Variants in COLGALT2 observed in about 807,000 individuals in gnomAD.
COLGALT2 encodes the protein collagen beta(1-O)galactosyltransferase 2, also known as procollagen galactosyltransferase 2.
A neutral mutation model predicts 73.4 loss-of-function variants in COLGALT2; 49 were observed. That is an observed-to-expected ratio of 0.67 (90% CI 0.53 to 0.85). The LOEUF (loss-of-function observed/expected upper bound fraction) is 0.85. Among genes scored for constraint, COLGALT2 ranks in the 40% least tolerant of loss-of-function variants. The pLI, the probability that COLGALT2 is intolerant of heterozygous loss-of-function variation, is 0.00. For missense variants in COLGALT2, 722 were observed against 790.2 expected (o/e 0.91, Z 1.03); for synonymous variants, 295 against 307.6 (o/e 0.96, Z 0.43).
At chr1:183,965,184 A>G (rs1165544351) in intron 5 of COLGALT2, among the ~76,000 whole-genome samples, 1 of 152,196 alleles carries the variant, frequency 6.6e-6, no homozygotes, top group Non-Finnish European at 1.5e-5. Flanking sequence ...GTTTGCCCAT[A>G]TGAATGCTTC....
chr1:183,946,837 C>T (rs745695026), intron 8 of COLGALT2, among the ~76,000 whole-genome samples: 2 of 152,180 alleles, frequency 1.3e-5, no homozygotes, highest in Non-Finnish European at 2.9e-5. Flanking sequence ...CGAGACCATC[C>T]TGGCTAACAC....
Position 184,037,295 on chromosome 1 carries a change from G to A in COLGALT2, c.63C>T (p.Leu21=), listed in dbSNP as rs752433870. ...CGAAGCGCGCTCGGCAGCCTTCGCG[G>A]AGCAGGGCTGAGGAGAGGAGCAGTA... ...WSLLLLSSAL[L]REGCRARFVA... Residue 21 remains leucine (L), a synonymous_variant, in exon 1 of 12, where the codon CTC becomes CTT. Coordinates refer to ENST00000361927, the MANE Select transcript of COLGALT2 (RefSeq NM_015101.4). 3 of 1,542,156 alleles carry A rather than the reference G, an allele frequency of 1.9e-6. No homozygotes were observed. The highest frequency in any genetic ancestry group is 2.6e-6 in the Non-Finnish European group (3 of 1,145,738).
intron 1 of COLGALT2, among the ~76,000 whole-genome samples, chr1:183,983,792 G>T (rs1045702828): frequency 6.6e-6 from 1 of 152,152 alleles, no homozygotes; most frequent in African/African-American, 2.4e-5. Flanking sequence ...GTACTGCCTC[G>T]AATCTGTTAC....
At chr1:183,946,797 C>T (rs540222987) in intron 8 of COLGALT2, among the ~76,000 whole-genome samples, 26 of 152,214 alleles carry the variant, frequency 1.7e-4, no homozygotes, top group African/African-American at 5.3e-4. Context: ...TTTGGGAGGC[C>T]GAGGTGGGCA....
intron 5 of COLGALT2, among the ~76,000 whole-genome samples, chr1:183,967,917 G>T (rs1285796286): frequency 1.3e-5 from 2 of 152,200 alleles, no homozygotes; most frequent in Non-Finnish European, 2.9e-5. Flanking sequence ...GCCTACACCT[G>T]GCCAAAGGGT....
At chr1:183,953,043 A>C (rs755653858) in intron 7 of COLGALT2, among the ~76,000 whole-genome samples, 14 of 152,198 alleles carry the variant, frequency 9.2e-5, no homozygotes, top group Non-Finnish European at 1.3e-4. Flanking sequence ...AAAGGCCCCC[A>C]AAAACAGAGA....
chr1:184,028,787 A>G (rs116402420), intron 1 of COLGALT2, among the ~76,000 whole-genome samples: 2,097 of 152,314 alleles, frequency 0.014, 51 homozygotes, highest in African/African-American at 0.046. Context: ...TCTGAAAGAC[A>G]TATCTTCTAA....
At position 183,938,453 on chromosome 1, in the gene COLGALT2, A is replaced by G; in HGVS notation, c.*308T>C. ...ACAAGACTCTGAGCCATGTTGTTCA[A>G]CCTTAATGTGGGAATCAGTATCACA... On this transcript the variant is annotated 3_prime_UTR_variant, in exon 12 of 12. Transcript: ENST00000361927. 3 of 1,189,000 alleles carry G rather than the reference A, an allele frequency of 2.5e-6. No individual in the cohort carries two copies. Among genetic ancestry groups the G allele is most frequent in the South Asian group, 2.2e-5 (1 of 44,754 alleles). The allele number at this position is 1,189,000 out of a possible 1,614,324, so 73.7% of individuals were successfully genotyped here. A position where few individuals can be genotyped will look rare whatever the true frequency, so the allele number is the denominator to read the frequency against.
At chr1:183,988,547 G>A (rs777558410) in intron 1 of COLGALT2, among the ~76,000 whole-genome samples, 1 of 152,094 alleles carries the variant, frequency 6.6e-6, no homozygotes, top group Non-Finnish European at 1.5e-5. Flanking sequence ...TGTCCCTATG[G>A]ATTTGCCTAT....
chr1:183,990,529 C>T (rs761789951), intron 1 of COLGALT2, among the ~76,000 whole-genome samples: 2 of 152,092 alleles, frequency 1.3e-5, no homozygotes, highest in African/African-American at 2.4e-5. Context: ...ACATTGTTGA[C>T]GATGGATATA....
intron 11 of COLGALT2, 59 bp downstream of exon 11, chr1:183,940,522 G>A: frequency 7.1e-7 from 1 of 1,408,706 alleles, no homozygotes; most frequent in Non-Finnish European, 1.0e-6. Flanking sequence ...CAGAAATGGA[G>A]AGCATAATTC....
intron 4 of COLGALT2, among the ~76,000 whole-genome samples, chr1:183,970,661 C>T (rs191884503): frequency 1.8e-3 from 269 of 152,242 alleles, no homozygotes; most frequent in Non-Finnish European, 2.9e-3. Flanking sequence ...TGATCTTAGT[C>T]CATGCCTACC....
chr1:183,940,539 A>T, intron 11 of COLGALT2, 42 bp downstream of exon 11: 1 of 1,540,384 alleles, frequency 6.5e-7, no homozygotes, highest in East Asian at 2.2e-5. Context: ...ATTCATGAAG[A>T]GGCTGTGCCC....
chr1:183,933,886 G>A (rs1440295450), downstream of COLGALT2, among the ~76,000 whole-genome samples: 1 of 152,226 alleles, frequency 6.6e-6, no homozygotes, highest in Non-Finnish European at 1.5e-5. Flanking sequence ...AAAATAAAGA[G>A]AAGGCAATCC....
At chr1:183,984,336 C>T (rs941923243) in intron 1 of COLGALT2, among the ~76,000 whole-genome samples, 11 of 152,188 alleles carry the variant, frequency 7.2e-5, no homozygotes, top group Admixed American at 1.3e-4. Flanking sequence ...ACCCGGGAGG[C>T]GGAGACTGCA....
At chr1:184,035,440 G>C (rs1324708621) in intron 1 of COLGALT2, among the ~76,000 whole-genome samples, 1 of 152,094 alleles carries the variant, frequency 6.6e-6, no homozygotes, top group Non-Finnish European at 1.5e-5. Flanking sequence ...GGGTGGCCTT[G>C]GGTTCAAATT....
At chr1:183,991,525 C>A (rs1057249451) in intron 1 of COLGALT2, among the ~76,000 whole-genome samples, 1 of 152,160 alleles carries the variant, frequency 6.6e-6, no homozygotes, top group African/African-American at 2.4e-5. Context: ...AAAATGTCAG[C>A]CCAGTCAGTC....
At chr1:183,993,174 C>T (rs12748062) in intron 1 of COLGALT2, among the ~76,000 whole-genome samples, 13,841 of 152,290 alleles carry the variant, frequency 0.091, 857 homozygotes, top group Admixed American at 0.17. Flanking sequence ...GGTACTTCCT[C>T]TCTCTTTCAT....
chr1:183,946,086 C>T (rs1670242486), intron 8 of COLGALT2: 1 of 153,488 alleles, frequency 6.5e-6, no homozygotes, highest in Admixed American at 6.4e-5. Flanking sequence ...AAAGACCTGC[C>T]CCCAGAAAAT....
Sources: gnomAD v4.1 joint callset for allele counts (sites outside exome capture counted in the v4.1 genomes callset) on GRCh38, gnomAD v4.1.1 for gene constraint, MANE v1.5 for transcripts, NCBI Gene and HGNC (gene_info 2026-07-23, HGNC 2026-07-21) for gene names.